CCDC43: variants seen among roughly 807,000 people sequenced by gnomAD.
CCDC43 encodes coiled-coil domain-containing protein 43.
Under a neutral mutation model 33.3 loss-of-function variants are expected in CCDC43, and 20 were observed. That is an observed-to-expected ratio of 0.60 (90% CI 0.42 to 0.87). The LOEUF is 0.87. Ranked by LOEUF, CCDC43 falls within the 40% of genes least tolerant of loss-of-function variation. The probability of loss-of-function intolerance (pLI) is 0.00; values close to 1 mark genes in which losing one functional copy is unlikely to be tolerated. For synonymous variants in CCDC43, 104 were observed against 106.5 expected, an observed-to-expected ratio of 0.98 and a Z score of 0.14; for missense variants, 248 against 269.9, an observed-to-expected ratio of 0.92 and a Z score of 0.57.
chr17:44,689,442 T>G, intron 1 of CCDC43, 108 bp downstream of exon 1: 2 of 1,485,598 alleles, frequency 1.3e-6, no homozygotes, highest in Non-Finnish European at 9.1e-7. Context: ...CTCTCCCAGG[T>G]GAGACCACTG....
At chr17:44,687,313 T>C (rs1057501437) in intron 1 of CCDC43, among the ~76,000 whole-genome samples, 1 of 151,926 alleles carries the variant, frequency 6.6e-6, no homozygotes, top group Admixed American at 6.6e-5. Context: ...CATGGTGGCA[T>C]ATGCCTGTAA....
At chr17:44,688,717 TAGAC>T (rs953699900) in intron 1 of CCDC43, among the ~76,000 whole-genome samples, 1 of 152,216 alleles carries the variant, frequency 6.6e-6, no homozygotes, top group Non-Finnish European at 1.5e-5. Flanking sequence ...AACAATTTGT[TAGAC>T]AGCCACAGGT....
intron 1 of CCDC43, among the ~76,000 whole-genome samples, chr17:44,687,326 C>T (rs1395947970): frequency 6.6e-6 from 1 of 151,946 alleles, no homozygotes; most frequent in East Asian, 1.9e-4. Context: ...GCCTGTAATC[C>T]CAGCTACTCG....
At chr17:44,689,282 C>G in intron 1 of CCDC43, 1 of 514,330 alleles carries the variant, frequency 1.9e-6, no homozygotes, top group Non-Finnish European at 3.5e-6. Context: ...GAAGAACCCT[C>G]CTCGGCTCAC....
rs561583419 is a variant in CCDC43 at position 44,687,129 on chromosome 17, A to G, written c.204+2421T>C. 3.3e-5 allele frequency among the ~76,000 whole-genome samples: 5 copies of G among 152,200 alleles called. No individual in the cohort carries two copies. The South Asian group carries it at 1.0e-3, about 32-fold the overall frequency. Reference sequence around the variant, plus strand: ...CATGGCAAAACCCTGTCTCTACAAAAAAAAATTTTTTTTTTTTAATTAGCC... The same window carrying G: ...CATGGCAAAACCCTGTCTCTACAAAGAAAAATTTTTTTTTTTTAATTAGCC... On this transcript the variant is annotated intron_variant, in intron 1 of 4. Transcript: ENST00000315286.
chr17:44,678,792 T>C lies in CCDC43; in HGVS notation c.*64A>G. The C allele has an allele frequency of 2.0e-6, 3 of 1,494,672 alleles. No homozygotes were observed. Among genetic ancestry groups the C allele is most frequent in the East Asian group, 2.3e-5 (1 of 43,188 alleles). The allele number at this position is 1,494,672 out of a possible 1,614,324, so 92.6% of individuals were successfully genotyped here. On this transcript the variant is annotated 3_prime_UTR_variant, in exon 5 of 5. Transcript: ENST00000315286. ...ACTTTGCAATGCACTCTCATTTCTC[T>C]TAAATACACAACCAGTTCTCCCTTT...
intron 2 of CCDC43, 38 bp downstream of exon 2, chr17:44,683,834 A>ACAGCTATAC (rs1972196204): frequency 7.1e-7 from 1 of 1,400,272 alleles, no homozygotes; most frequent in East Asian, 2.3e-5. Context: ...GCTGCTGGAA[A>ACAGCTATAC]AGGCTCAGGA....
intron 1 of CCDC43, among the ~76,000 whole-genome samples, chr17:44,687,156 G>A (rs1470412757): frequency 1.3e-5 from 2 of 152,070 alleles, no homozygotes; most frequent in Non-Finnish European, 2.9e-5. Flanking sequence ...TAATTAGCCA[G>A]GCATGGCTGG....
intron 3 of CCDC43, among the ~76,000 whole-genome samples, chr17:44,681,363 G>A (rs1178090874): frequency 3.9e-5 from 6 of 152,068 alleles, no homozygotes; most frequent in East Asian, 3.9e-4. Context: ...GCTTGAACCC[G>A]GGAGGCAGAG....
chr17:44,684,695 CAA>C (rs1157700935), intron 1 of CCDC43, among the ~76,000 whole-genome samples: 4 of 125,128 alleles, frequency 3.2e-5, no homozygotes, highest in Admixed American at 8.1e-5. Flanking sequence ...GAAATTGTCT[CAA>C]AAAAAAAAAA....
At chr17:44,684,885 A>G (rs1247597712) in intron 1 of CCDC43, among the ~76,000 whole-genome samples, 1 of 152,062 alleles carries the variant, frequency 6.6e-6, no homozygotes, top group African/African-American at 2.4e-5. Flanking sequence ...GGCTCAAGCA[A>G]TCCTCCTGCC....
chr17:44,680,559 A>C (rs765078293), intron 4 of CCDC43, 26 bp downstream of exon 4: 1 of 1,559,672 alleles, frequency 6.4e-7, no homozygotes, highest in Admixed American at 1.7e-5. Flanking sequence ...ATGGAGAAAC[A>C]CATAGGGAGG....
At chr17:44,682,442 GAAAACT>G (rs757761111) in intron 2 of CCDC43, among the ~76,000 whole-genome samples, 99 of 131,328 alleles carry the variant, frequency 7.5e-4, no homozygotes, top group Non-Finnish European at 1.3e-3. Context: ...TAGAACCACA[GAAAACT>G]AAGCCTCTGA....
In CCDC43 at chr17:44,681,987, A is replaced by G. The variant is rs1972169867; in HGVS notation, c.428+16T>C. ...TTGAGCTTTAGGGAATGGTGCCGAG[A>G]CTCCAGAAAGGATATTCCTCTTCAT... On this transcript the variant is annotated intron_variant, in intron 3 of 4. Coordinates refer to ENST00000315286, the MANE Select transcript of CCDC43 (RefSeq NM_144609.3). 1.2e-6 allele frequency: 2 copies of G among 1,613,852 alleles called. No homozygotes were observed. The highest frequency in any genetic ancestry group is 1.1e-5 in the South Asian group (1 of 91,076).
At chr17:44,688,445 G>A (rs1972273958) in intron 1 of CCDC43, among the ~76,000 whole-genome samples, 1 of 152,118 alleles carries the variant, frequency 6.6e-6, no homozygotes, top group Non-Finnish European at 1.5e-5. Flanking sequence ...GAGCCACTGT[G>A]CCCCACCTCA....
In CCDC43 at chr17:44,678,819, A is replaced by G. The variant is rs772932361; in HGVS notation, c.*37T>C. On this transcript the variant is annotated 3_prime_UTR_variant, in exon 5 of 5. Transcript: ENST00000315286. ...AAATACACAACCAGTTCTCCCTTTG[A>G]TAAGTTCATGGGGGGAAAGAATAGA... The G allele has an allele frequency of 6.4e-7, 1 of 1,573,738 alleles. No homozygotes were observed. Among genetic ancestry groups the G allele is most frequent in the Non-Finnish European group, 8.6e-7 (1 of 1,158,080 alleles).
chr17:44,680,755 T>TC (rs766588315), intron 3 of CCDC43, 112 bp from the exon 4 acceptor site: 1 of 755,206 alleles, frequency 1.3e-6, no homozygotes, highest in Non-Finnish European at 2.4e-6. Flanking sequence ...GAGCACATTA[T>TC]CAGGGATATG....
At chr17:44,683,490 C>T (rs1972191483) in intron 2 of CCDC43, among the ~76,000 whole-genome samples, 1 of 151,860 alleles carries the variant, frequency 6.6e-6, no homozygotes, top group Non-Finnish European at 1.5e-5. Flanking sequence ...GATTACGCCA[C>T]TGCACTCCAG....
At chr17:44,681,796 AATGATT>A in intron 3 of CCDC43, 1 of 579,434 alleles carries the variant, frequency 1.7e-6, no homozygotes, top group East Asian at 3.0e-5. Context: ...TCAGGAATAT[AATGATT>A]ATGTGTTGAA....
Sources: allele counts gnomAD v4.1 joint callset (sites outside exome capture counted in the v4.1 genomes callset), GRCh38; gene constraint gnomAD v4.1.1; transcripts MANE v1.5; gene names NCBI Gene and HGNC (gene_info 2026-07-23, HGNC 2026-07-21).